The following EYS variants were observed in gnomAD, a reference collection of about 807,000 sequenced individuals.
EYS encodes EGF-like photoreceptor maintenance factor, also known as protein eyes shut homolog.
Under a neutral mutation model 282.1 loss-of-function variants are expected in EYS, and 250 were observed. That is an observed-to-expected ratio of 0.89 (90% CI 0.80 to 0.98). EYS has a LOEUF of 0.98. Ranked by LOEUF, EYS falls within the 50% of genes least tolerant of loss-of-function variation. EYS has a pLI of 0.00. For synonymous variants in EYS, 1,355 were observed against 1,282.9 expected (o/e 1.06, Z -1.20); for missense variants, 4,016 against 3,709.0 (o/e 1.08, Z -2.15).
At chr6:65,653,954 A>G (rs1767737123) in intron 1 of EYS, among the ~76,000 whole-genome samples, 1 of 151,952 alleles carries the variant, frequency 6.6e-6, no homozygotes, top group African/African-American at 2.4e-5. Flanking sequence ...CACAGCCACC[A>G]CAACCCGAGC....
chr6:64,270,108 G>T (rs1185788279), intron 30 of EYS, among the ~76,000 whole-genome samples: 1 of 152,022 alleles, frequency 6.6e-6, no homozygotes, highest in Non-Finnish European at 1.5e-5. Context: ...AGTATTTATC[G>T]TAATTCTGGC....
chr6:64,324,296 G>T (rs1582598679), intron 29 of EYS, among the ~76,000 whole-genome samples: 2 of 152,182 alleles, frequency 1.3e-5, no homozygotes, highest in Non-Finnish European at 2.9e-5. Flanking sequence ...GATGAGGTAG[G>T]CTTTATTTTT....
intron 14 of EYS, among the ~76,000 whole-genome samples, chr6:64,953,128 C>G (rs1462907844): frequency 6.6e-6 from 1 of 151,320 alleles, no homozygotes; most frequent in South Asian, 2.1e-4. Context: ...GATTAAAATC[C>G]CCATTGAAAG....
intron 22 of EYS, chr6:64,733,595 GT>G (rs1290069253): frequency 6.3e-6 from 1 of 158,978 alleles, no homozygotes; most frequent in Non-Finnish European, 1.4e-5. Context: ...CCTAGATCCA[GT>G]CTTCATTCTC....
intron 18 of EYS, among the ~76,000 whole-genome samples, chr6:64,887,267 C>A (rs899077056): frequency 1.6e-5 from 2 of 122,516 alleles, no homozygotes; most frequent in Non-Finnish European, 1.6e-5. Flanking sequence ...ACATCACACA[C>A]CGGGGACTGT....
At chr6:65,167,386 T>C (rs1764997636) in intron 12 of EYS, among the ~76,000 whole-genome samples, 1 of 151,318 alleles carries the variant, frequency 6.6e-6, no homozygotes, top group African/African-American at 2.4e-5. Flanking sequence ...TGGAATTAAA[T>C]AGTGGCAAGG....
At chr6:63,953,035 T>C (rs1046643966) in intron 35 of EYS, among the ~76,000 whole-genome samples, 2 of 152,190 alleles carry the variant, frequency 1.3e-5, no homozygotes, top group Admixed American at 6.5e-5. Context: ...ATCAACCAAA[T>C]TGTTTGGCCT....
chr6:64,699,588 A>G (rs1311676538), intron 22 of EYS, among the ~76,000 whole-genome samples: 2 of 152,142 alleles, frequency 1.3e-5, no homozygotes, highest in African/African-American at 4.8e-5. Flanking sequence ...CACAAATCAG[A>G]AAACCTAAAT....
chr6:65,391,390 T>A (rs1766025627), intron 7 of EYS, among the ~76,000 whole-genome samples: 1 of 152,116 alleles, frequency 6.6e-6, no homozygotes, highest in Non-Finnish European at 1.5e-5. Flanking sequence ...TTCCCTATGT[T>A]AAATTTCAGA....
chr6:65,516,989 TA>T (rs921350475), intron 2 of EYS, among the ~76,000 whole-genome samples: 1 of 151,884 alleles, frequency 6.6e-6, no homozygotes, highest in Non-Finnish European at 1.5e-5. Flanking sequence ...AAAATGATAA[TA>T]AAAATACTAT....
intron 12 of EYS, among the ~76,000 whole-genome samples, chr6:65,272,691 T>C (rs1278750631): frequency 2.0e-5 from 3 of 152,214 alleles, no homozygotes; most frequent in Admixed American, 6.6e-5. Flanking sequence ...ATTACATATA[T>C]ATAAATGTCA....
chr6:65,006,221 G>T (rs1300627636), intron 13 of EYS, among the ~76,000 whole-genome samples: 4 of 151,722 alleles, frequency 2.6e-5, no homozygotes, highest in Non-Finnish European at 5.9e-5. Context: ...GACAAAAAGG[G>T]AGTCAAAGAG....
At chr6:65,586,565 T>A (rs980281359) in intron 2 of EYS, among the ~76,000 whole-genome samples, 1 of 152,070 alleles carries the variant, frequency 6.6e-6, no homozygotes, top group Non-Finnish European at 1.5e-5. Flanking sequence ...AACATTTGAG[T>A]AGCAACATAC....
chr6:64,878,821 A>G (rs965752344), intron 19 of EYS, among the ~76,000 whole-genome samples: 13 of 151,902 alleles, frequency 8.6e-5, no homozygotes, highest in Admixed American at 2.6e-4. Flanking sequence ...CAATTCTTGG[A>G]AGACTTGTAT....
Position 65,571,488 on chromosome 6 carries a change from G to A in EYS, c.-333+68290C>T, listed in dbSNP as rs550351142. ...ATAAATATACTTTTCCCTTATAAAA[G>A]TGTAATTTCTACTCTGGCTTTAGAG... On this transcript the variant is annotated intron_variant, in intron 2 of 42. Transcript: ENST00000503581. Among the ~76,000 whole-genome samples, 69 of 151,996 alleles carry A rather than the reference G, an allele frequency of 4.5e-4. 1 individual carries two copies. In the South Asian group the frequency reaches 0.011, roughly 24 times the overall value.
chr6:64,550,211 C>T (rs1765028252), intron 26 of EYS, among the ~76,000 whole-genome samples: 1 of 152,110 alleles, frequency 6.6e-6, no homozygotes, highest in African/African-American at 2.4e-5. Context: ...GTGCATGTGT[C>T]TTTATAGCAG....
chr6:65,023,836 G>A (rs910285089), intron 13 of EYS, among the ~76,000 whole-genome samples: 13 of 152,186 alleles, frequency 8.5e-5, no homozygotes, highest in African/African-American at 2.4e-4. Flanking sequence ...GATGTAACTT[G>A]CCCCTTCATA....
chr6:64,245,247 T>C (rs1766974672), intron 30 of EYS, among the ~76,000 whole-genome samples: 1 of 152,118 alleles, frequency 6.6e-6, no homozygotes. Context: ...TGAGTTCATG[T>C]CTATTTGGTA....
At chr6:65,624,597 A>T (rs764822395) in intron 2 of EYS, among the ~76,000 whole-genome samples, 1 of 152,168 alleles carries the variant, frequency 6.6e-6, no homozygotes, top group Non-Finnish European at 1.5e-5. Context: ...AGGGAGAGGC[A>T]GACCCACCCT....
Sources: gnomAD v4.1 joint callset for allele counts (sites outside exome capture counted in the v4.1 genomes callset) on GRCh38, gnomAD v4.1.1 for gene constraint, MANE v1.5 for transcripts, NCBI Gene and HGNC (gene_info 2026-07-23, HGNC 2026-07-21) for gene names.